GRM7: variants seen among roughly 807,000 people sequenced by gnomAD.
GRM7 encodes glutamate metabotropic receptor 7.
A neutral mutation model predicts 84.5 loss-of-function variants in GRM7; 35 were observed. The observed-to-expected ratio is 0.41, with a 90% CI of 0.32 to 0.55. The LOEUF (loss-of-function observed/expected upper bound fraction) is 0.55. Among genes scored for constraint, GRM7 ranks in the 20% least tolerant of loss-of-function variants. The probability of loss-of-function intolerance (pLI) is 0.19; values close to 1 mark genes in which losing one functional copy is unlikely to be tolerated. For synonymous variants in GRM7, 487 were observed against 455.1 expected, an observed-to-expected ratio of 1.07 and a Z score of -0.89; for missense variants, 1,003 against 1,194.6, an observed-to-expected ratio of 0.84 and a Z score of 2.36.
At chr3:7,411,393 A>G (rs1023180884) in intron 4 of GRM7, among the ~76,000 whole-genome samples, 1 of 152,200 alleles carries the variant, frequency 6.6e-6, no homozygotes, top group African/African-American at 2.4e-5. Flanking sequence ...CACCCAATCA[A>G]GAATACTAGC....
intron 2 of GRM7, among the ~76,000 whole-genome samples, chr3:7,249,804 G>T (rs181610385): frequency 6.6e-6 from 1 of 152,210 alleles, no homozygotes; most frequent in East Asian, 1.9e-4. Context: ...TAATAAACTG[G>T]CTTATCTGTC....
intron 2 of GRM7, among the ~76,000 whole-genome samples, chr3:7,187,417 T>C (rs9823281): frequency 0.056 from 8,539 of 152,242 alleles, 657 homozygotes; most frequent in African/African-American, 0.18. Flanking sequence ...CTAGGATATA[T>C]TTATTGTAGT....
In GRM7 at chr3:6,864,017, T is replaced by TG. The variant is rs1422385057; in HGVS notation, c.519+2116dup. On this transcript the variant is annotated intron_variant, in intron 1 of 9. Coordinates refer to ENST00000357716, the MANE Select transcript of GRM7 (RefSeq NM_000844.4). Reference sequence around the variant, plus strand: ...AACTTGCTAGTGGTGAAAAAAGGGGTGGGGGGCTGGCCTGACACTAATTTC... The same window carrying TG: ...AACTTGCTAGTGGTGAAAAAAGGGGTGGGGGGGCTGGCCTGACACTAATTTC... 2.0e-5 allele frequency among the ~76,000 whole-genome samples: 3 copies of TG among 151,462 alleles called. No homozygotes were observed. In the South Asian group the frequency reaches 6.3e-4, roughly 32 times the overall value.
rs149655547 is a variant in GRM7 at position 7,676,648 on chromosome 3, G to C, written c.2452-3401G>C. Reference sequence around the variant, plus strand: ...GGGGTTTTGCCATGTTGGCCAGGCTGGTCTTGAATGCCTGACCTCAGGTGA... The same window carrying C: ...GGGGTTTTGCCATGTTGGCCAGGCTCGTCTTGAATGCCTGACCTCAGGTGA... On this transcript the variant is annotated intron_variant, in intron 8 of 9. Transcript: ENST00000357716. Among the ~76,000 whole-genome samples, 3 of 151,850 alleles carry C rather than the reference G, an allele frequency of 2.0e-5. No homozygotes were observed. The South Asian group carries it at 6.2e-4, about 32-fold the overall frequency.
rs369305184 is a variant in GRM7, at chr3:7,281,573, T to C, written c.737-17111T>C. Among the ~76,000 whole-genome samples the C allele has an allele frequency of 2.2e-4, 34 of 152,238 alleles. 1 individual carries two copies. Among genetic ancestry groups the C allele is most frequent in the Non-Finnish European group, 4.1e-4 (28 of 68,042 alleles). On this transcript the variant is annotated intron_variant, in intron 2 of 9. Coordinates refer to ENST00000357716, the MANE Select transcript of GRM7 (RefSeq NM_000844.4). ...TTTTGTAACTTCATGGGATTCCTTTTACTACAGTTTTCCTAAGAAAGCAGA... is the reference window on the plus strand; with the variant it reads ...TTTTGTAACTTCATGGGATTCCTTTCACTACAGTTTTCCTAAGAAAGCAGA...
chr3:7,371,484 G>A (rs1559274190), intron 4 of GRM7, among the ~76,000 whole-genome samples: 1 of 152,140 alleles, frequency 6.6e-6, no homozygotes, highest in African/African-American at 2.4e-5. Context: ...GATGAAAAAA[G>A]GCAACAAAAT....
intron 2 of GRM7, among the ~76,000 whole-genome samples, chr3:7,240,531 T>C (rs1407766459): frequency 1.3e-5 from 2 of 152,210 alleles, no homozygotes; most frequent in Non-Finnish European, 2.9e-5. Context: ...GGTTGAATAT[T>C]GGCATATATC....
In GRM7 at chr3:6,920,429, C is replaced by T. The variant is rs888167914; in HGVS notation, c.519+58522C>T. Among the ~76,000 whole-genome samples the T allele has an allele frequency of 2.0e-4, 31 of 151,820 alleles. 1 individual carries two copies. The highest frequency in any genetic ancestry group is 7.3e-4 in the African/African-American group (30 of 41,302). ...AATTAGCTGGGCATGGTGGCATGCACAAGTAATCCAAGCTGCTCAGGAGGC... is the reference window on the plus strand; with the variant it reads ...AATTAGCTGGGCATGGTGGCATGCATAAGTAATCCAAGCTGCTCAGGAGGC... On this transcript the variant is annotated intron_variant, in intron 1 of 9. Coordinates refer to ENST00000357716, the MANE Select transcript of GRM7 (RefSeq NM_000844.4).
intron 7 of GRM7, among the ~76,000 whole-genome samples, chr3:7,523,393 A>G (rs182491062): frequency 2.0e-5 from 3 of 152,238 alleles, no homozygotes; most frequent in Admixed American, 2.0e-4. Flanking sequence ...CGGAACCTAC[A>G]AGAATGTGGA....
chr3:7,206,696 C>A (rs1026046881), intron 2 of GRM7, among the ~76,000 whole-genome samples: 4 of 152,152 alleles, frequency 2.6e-5, no homozygotes, highest in African/African-American at 7.2e-5. Flanking sequence ...GGAGAGATGG[C>A]ACCTGAGAAA....
At chr3:6,943,738 T>A (rs1247286065) in intron 1 of GRM7, among the ~76,000 whole-genome samples, 1 of 152,092 alleles carries the variant, frequency 6.6e-6, no homozygotes, top group Non-Finnish European at 1.5e-5. Flanking sequence ...TGTTGGGTTA[T>A]GTTTGGGGTT....
At chr3:7,040,245 A>G (rs1696544503) in intron 1 of GRM7, among the ~76,000 whole-genome samples, 1 of 152,190 alleles carries the variant, frequency 6.6e-6, no homozygotes. Context: ...CTTGTAACAG[A>G]AACCTCACTG....
intron 2 of GRM7, among the ~76,000 whole-genome samples, chr3:7,201,477 C>A (rs901689700): frequency 6.6e-6 from 1 of 151,980 alleles, no homozygotes. Flanking sequence ...TCACTCAGTT[C>A]TTTTTGAGTT....
chr3:7,648,398 G>C (rs1698758979), intron 8 of GRM7, among the ~76,000 whole-genome samples: 2 of 152,022 alleles, frequency 1.3e-5, no homozygotes, highest in Non-Finnish European at 2.9e-5. Flanking sequence ...TGTAATCCTA[G>C]CACTTTAGGA....
rs1035501884 is a variant in GRM7 at position 7,123,123 on chromosome 3, C to G, written c.520-23329C>G. Among the ~76,000 whole-genome samples, 6 of 152,354 alleles carry G rather than the reference C, an allele frequency of 3.9e-5. No homozygotes were observed. The East Asian group carries it at 1.2e-3, about 29-fold the overall frequency. On this transcript the variant is annotated intron_variant, in intron 1 of 9. Coordinates refer to ENST00000357716, the MANE Select transcript of GRM7 (RefSeq NM_000844.4). ...CGATTCATGCAAATAATGTATCCAT[C>G]TTCTGCTCCTTTCATTTCTTCCTTT...
At chr3:7,258,700 C>T (rs1341746809) in intron 2 of GRM7, among the ~76,000 whole-genome samples, 1 of 152,132 alleles carries the variant, frequency 6.6e-6, no homozygotes, top group Non-Finnish European at 1.5e-5. Flanking sequence ...AAGTTTATGC[C>T]TTTGGTTTAA....
At chr3:7,228,763 A>T (rs918030982) in intron 2 of GRM7, among the ~76,000 whole-genome samples, 4 of 152,172 alleles carry the variant, frequency 2.6e-5, no homozygotes, top group Non-Finnish European at 2.9e-5. Context: ...GAGGTGGGAT[A>T]TTGGGCACAT....
intron 9 of GRM7, among the ~76,000 whole-genome samples, chr3:7,694,126 G>A (rs556766717): frequency 6.6e-6 from 1 of 152,200 alleles, no homozygotes; most frequent in East Asian, 1.9e-4. Context: ...GGGATCAGTA[G>A]GTGAAACTTT....
intron 9 of GRM7, among the ~76,000 whole-genome samples, chr3:7,734,000 T>C (rs558673020): frequency 5.3e-5 from 8 of 152,298 alleles, no homozygotes; most frequent in South Asian, 4.1e-4. Flanking sequence ...AGATATGTAA[T>C]AGTTTTTTTG....
Sources: allele counts gnomAD v4.1 joint callset (sites outside exome capture counted in the v4.1 genomes callset), GRCh38; gene constraint gnomAD v4.1.1; transcripts MANE v1.5; gene names NCBI Gene and HGNC (gene_info 2026-07-23, HGNC 2026-07-21).